The following MCF2L2 variants were observed in gnomAD, a reference collection of about 807,000 sequenced individuals.
MCF2L2 encodes probable guanine nucleotide exchange factor MCF2L2.
Under a neutral mutation model 150.2 loss-of-function variants are expected in MCF2L2, and 102 were observed. That is an observed-to-expected ratio of 0.68 (90% CI 0.58 to 0.80). The LOEUF (loss-of-function observed/expected upper bound fraction) is 0.80, where lower values mean the gene tolerates loss of function less well. Ranked by LOEUF, MCF2L2 falls within the 30% of genes least tolerant of loss-of-function variation. MCF2L2 has a pLI of 0.00. For synonymous variants in MCF2L2, 465 were observed against 491.3 expected (o/e 0.95, Z 0.71); for missense variants, 1,256 against 1,372.8 (o/e 0.91, Z 1.34).
intron 15 of MCF2L2, chr3:183,272,348 C>T: frequency 1.0e-6 from 1 of 1,000,214 alleles, no homozygotes; most frequent in South Asian, 4.7e-5. Flanking sequence ...ACTGAACTCA[C>T]TCTAAGGCCT....
rs1354137241 is a variant in MCF2L2, at chr3:183,338,624, C to T, written c.486+176G>A. On this transcript the variant is annotated intron_variant, in intron 5 of 29. Transcript: ENST00000328913. Reference sequence around the variant, plus strand: ...AACAAAAATGAGGCTTCCCATGGGCCTCAGTCCATTGTGTACTTCCTGCCT... The same window carrying T: ...AACAAAAATGAGGCTTCCCATGGGCTTCAGTCCATTGTGTACTTCCTGCCT... Among the ~76,000 whole-genome samples, 3 of 152,040 alleles carry T rather than the reference C, an allele frequency of 2.0e-5. No homozygotes were observed. The East Asian group carries it at 5.8e-4, about 29-fold the overall frequency.
chr3:183,325,262 T>C (rs984985151), intron 5 of MCF2L2, among the ~76,000 whole-genome samples: 1 of 151,226 alleles, frequency 6.6e-6, no homozygotes, highest in Non-Finnish European at 1.5e-5. Flanking sequence ...GAACTTAAAG[T>C]ATAATAATAA....
chr3:183,264,435 T>TTTCATGTGGGAACTAC, intron 15 of MCF2L2, among the ~76,000 whole-genome samples: 1 of 152,258 alleles, frequency 6.6e-6, no homozygotes, highest in Non-Finnish European at 1.5e-5. Flanking sequence ...GTGGGAACTA[T>TTTCATGTGGGAACTAC]GCTTTCATGT....
Position 183,308,002 on chromosome 3 carries a change from G to A in MCF2L2, c.1113+1714C>T, listed in dbSNP as rs879383067. On this transcript the variant is annotated intron_variant, in intron 10 of 29. Coordinates refer to ENST00000328913, the MANE Select transcript of MCF2L2 (RefSeq NM_015078.4). ...TCAAACAGATCTCAGACCAAAGGTC[G>A]TCTTCTCAGGCCTTTCCAGACCATT... Among the ~76,000 whole-genome samples, 8 of 152,218 alleles carry A rather than the reference G, an allele frequency of 5.3e-5. No homozygotes were observed. The South Asian group carries it at 6.2e-4, about 12-fold the overall frequency.
Position 183,226,789 on chromosome 3 carries a change from G to A in MCF2L2, c.2115+1508C>T, listed in dbSNP as rs955251294. 3.2e-4 allele frequency: 48 copies of A among 152,234 alleles called. 2 individuals carry two copies. The highest frequency in any genetic ancestry group is 2.3e-3 in the Admixed American group (35 of 15,288). The allele number at this position is 152,234 out of a possible 1,614,324, so 9.4% of individuals were successfully genotyped here. On this transcript the variant is annotated intron_variant, in intron 18 of 29. Coordinates refer to ENST00000328913, the MANE Select transcript of MCF2L2 (RefSeq NM_015078.4). ...TCTGAAACTAGATTTCACATTAGTC[G>A]TTTGTTAAGTGCAAAAATTCAAAAT...
intron 4 of MCF2L2, among the ~76,000 whole-genome samples, chr3:183,340,611 CATT>C (rs530866437): frequency 1.0e-3 from 154 of 152,224 alleles, no homozygotes; most frequent in Non-Finnish European, 1.6e-3. Flanking sequence ...ACTTAAATAT[CATT>C]GTGTCTGGTT....
intron 15 of MCF2L2, among the ~76,000 whole-genome samples, chr3:183,264,234 T>A (rs1258533279): frequency 6.6e-6 from 1 of 152,156 alleles, no homozygotes; most frequent in Non-Finnish European, 1.5e-5. Context: ...CATACACAGT[T>A]CTTGTCTAAA....
At chr3:183,341,660 T>A (rs1190769541) in intron 3 of MCF2L2, 30 bp from the exon 4 acceptor site, 1 of 1,493,750 alleles carries the variant, frequency 6.7e-7, no homozygotes, top group African/African-American at 1.4e-5. Flanking sequence ...GTGTCAGAGA[T>A]TAGGTGAGAC....
intron 15 of MCF2L2, among the ~76,000 whole-genome samples, chr3:183,258,907 C>T (rs1055104423): frequency 2.0e-5 from 3 of 152,100 alleles, no homozygotes; most frequent in Admixed American, 1.3e-4. Flanking sequence ...TTTAAATCAT[C>T]TCTAGATTAC....
chr3:183,271,688 CCTT>C (rs1335833680), intron 15 of MCF2L2: 3 of 166,862 alleles, frequency 1.8e-5, no homozygotes, highest in Non-Finnish European at 4.4e-5. Context: ...CTCATAGGGT[CCTT>C]CTCTAGGGAG....
At chr3:183,377,392 T>C (rs1430671908) in intron 3 of MCF2L2, 1 of 152,140 alleles carries the variant, frequency 6.6e-6, no homozygotes, top group Non-Finnish European at 1.5e-5. Context: ...TTATGGCGCA[T>C]AGTACAGAAT....
At chr3:183,316,663 T>A (rs531454269) in intron 7 of MCF2L2, among the ~76,000 whole-genome samples, 1 of 151,092 alleles carries the variant, frequency 6.6e-6, no homozygotes, top group South Asian at 2.1e-4. Flanking sequence ...ATATTTTGAT[T>A]ACTGACAGTA....
At chr3:183,206,510 G>A (rs2103062) in intron 23 of MCF2L2, among the ~76,000 whole-genome samples, 93,673 of 152,040 alleles carry the variant, frequency 0.62, 29,284 homozygotes, top group African/African-American at 0.7. Context: ...CTCCTTCAAC[G>A]TGTATTTTAC....
At chr3:183,379,459 C>A in intron 2 of MCF2L2, 48 bp from the exon 3 acceptor site, 1 of 1,307,132 alleles carries the variant, frequency 7.7e-7, no homozygotes, top group Non-Finnish European at 1.1e-6. Flanking sequence ...GTTGTCCTGT[C>A]ACACCTCTGC....
intron 3 of MCF2L2, chr3:183,377,245 A>G (rs1560047403): frequency 6.6e-6 from 1 of 151,894 alleles, no homozygotes; most frequent in Non-Finnish European, 1.5e-5. Context: ...CCCTGTGTCC[A>G]TGTGTTCTCA....
intron 3 of MCF2L2, among the ~76,000 whole-genome samples, chr3:183,347,508 G>A (rs1483827677): frequency 1.3e-5 from 2 of 152,150 alleles, no homozygotes; most frequent in Non-Finnish European, 2.9e-5. Context: ...AAGACTTCAT[G>A]ACTAAAATAC....
At chr3:183,239,375 T>C (rs1723902279) in intron 15 of MCF2L2, among the ~76,000 whole-genome samples, 1 of 152,122 alleles carries the variant, frequency 6.6e-6, no homozygotes, top group African/African-American at 2.4e-5. Context: ...AAACAGAGCT[T>C]TGGATATCTG....
At chr3:183,313,562 C>T (rs1022399776) in intron 7 of MCF2L2, among the ~76,000 whole-genome samples, 1 of 152,188 alleles carries the variant, frequency 6.6e-6, no homozygotes, top group Admixed American at 6.5e-5. Context: ...CTGTCATGAA[C>T]ACAGACGGAA....
chr3:183,311,877 A>G, intron 7 of MCF2L2, 105 bp from the exon 8 acceptor site: 3 of 1,015,728 alleles, frequency 3.0e-6, no homozygotes, highest in Non-Finnish European at 4.2e-6. Context: ...CATTTAGGAA[A>G]TTAAATGCTG....
Sources: allele counts gnomAD v4.1 joint callset (sites outside exome capture counted in the v4.1 genomes callset), GRCh38; gene constraint gnomAD v4.1.1; transcripts MANE v1.5; gene names NCBI Gene and HGNC (gene_info 2026-07-23, HGNC 2026-07-21).